Variants in DMD observed in about 807,000 individuals in gnomAD.
DMD encodes the protein dystrophin.
A neutral mutation model predicts 330.1 loss-of-function variants in DMD; 63 were observed. The observed-to-expected ratio is 0.19, with a 90% CI of 0.16 to 0.24. The LOEUF (loss-of-function observed/expected upper bound fraction) is 0.24, where lower values mean the gene tolerates loss of function less well. DMD is among the 10% of genes least tolerant of loss of function. The pLI is 1.00. For missense variants in DMD, 3,344 were observed against 2,684.1 expected (o/e 1.25, Z -5.43); for synonymous variants, 1,223 against 959.8 (o/e 1.27, Z -5.07).
At chrX:32,000,644 A>C (rs1241379429) in intron 44 of DMD, among the ~76,000 whole-genome samples, 1 of 111,839 alleles carries the variant, frequency 8.9e-6, no homozygotes, top group Non-Finnish European at 1.9e-5. Flanking sequence ...TGGTGATAGT[A>C]AAGCTTTAGC....
Position 32,015,911 on chromosome X carries a change from T to A in DMD, c.6439-47397A>T, listed in dbSNP as rs917679599. ...TTAGATGCTGATAGAACACTAAGTTTTTTTTGTGGAACTTGGCAAAACTAC... is the reference window on the plus strand; with the variant it reads ...TTAGATGCTGATAGAACACTAAGTTATTTTTGTGGAACTTGGCAAAACTAC... On this transcript the variant is annotated intron_variant, in intron 44 of 78. Coordinates refer to ENST00000357033, the MANE Select transcript of DMD (RefSeq NM_004006.3). Among the ~76,000 whole-genome samples the A allele has an allele frequency of 2.7e-5, 3 of 111,841 alleles. No homozygotes were observed. The East Asian group carries it at 8.5e-4, about 32-fold the overall frequency.
chrX:31,519,999 G>A (rs996910715), intron 55 of DMD, among the ~76,000 whole-genome samples: 1 of 111,751 alleles, frequency 8.9e-6, no homozygotes, highest in Non-Finnish European at 1.9e-5. Flanking sequence ...GTGATGGGGA[G>A]AAAACAAAGT....
intron 7 of DMD, among the ~76,000 whole-genome samples, chrX:32,728,560 T>A (rs754459089): frequency 8.9e-6 from 1 of 111,925 alleles, no homozygotes; most frequent in Non-Finnish European, 1.9e-5. Context: ...ATAAATGTCA[T>A]GTTAATATTC....
chrX:32,662,926 T>C (rs2061043401), intron 9 of DMD, among the ~76,000 whole-genome samples: 1 of 112,199 alleles, frequency 8.9e-6, no homozygotes, highest in Non-Finnish European at 1.9e-5. Context: ...GTCAAAAATA[T>C]TGACTGAATT....
chrX:32,347,613 T>G (rs190563670), intron 38 of DMD, among the ~76,000 whole-genome samples: 8 of 111,808 alleles, frequency 7.2e-5, no homozygotes, highest in African/African-American at 2.3e-4. Flanking sequence ...AATTTATATA[T>G]TGTCTTCTGA....
chrX:33,213,686 G>A (rs1387299357), upstream of DMD, among the ~76,000 whole-genome samples: 9 of 111,469 alleles, frequency 8.1e-5, no homozygotes, highest in Admixed American at 6.7e-4. Context: ...AGGAATTTGC[G>A]GGGATAGTAT....
chrX:31,933,044 G>A (rs1456090053), intron 45 of DMD, among the ~76,000 whole-genome samples: 1 of 111,547 alleles, frequency 9.0e-6, no homozygotes, highest in Non-Finnish European at 1.9e-5. Flanking sequence ...GGGGTTGGGG[G>A]TGGGGACAAA....
At chrX:33,163,809 A>T (rs1382772749) in intron 1 of DMD, among the ~76,000 whole-genome samples, 4 of 109,511 alleles carry the variant, frequency 3.7e-5, no homozygotes, top group Non-Finnish European at 7.6e-5. Flanking sequence ...ATGTAAGTCA[A>T]CCCACTCATG....
intron 62 of DMD, among the ~76,000 whole-genome samples, chrX:31,264,599 G>A (rs998074286): frequency 2.7e-5 from 3 of 111,992 alleles, no homozygotes; most frequent in Admixed American, 9.5e-5. Flanking sequence ...GTATTTATAC[G>A]AAGATTTCCC....
intron 57 of DMD, among the ~76,000 whole-genome samples, chrX:31,493,898 G>A (rs1296429845): frequency 5.4e-5 from 6 of 111,200 alleles, no homozygotes; most frequent in African/African-American, 1.6e-4. Context: ...GGTGGCTCAC[G>A]CCTGTAATCC....
intron 1 of DMD, among the ~76,000 whole-genome samples, chrX:33,169,173 T>A (rs189423865): frequency 9.0e-6 from 1 of 111,346 alleles, no homozygotes; most frequent in African/African-American, 3.2e-5. Flanking sequence ...ATCAAGCTTG[T>A]TAAAAGCTCT....
intron 1 of DMD, among the ~76,000 whole-genome samples, chrX:33,105,362 G>A (rs1233718483): frequency 9.0e-6 from 1 of 111,490 alleles, no homozygotes; most frequent in African/African-American, 3.3e-5. Context: ...CTGGACATTG[G>A]CCTAGGTAAA....
chrX:32,506,872 G>C (rs1467028309), intron 18 of DMD, among the ~76,000 whole-genome samples: 1 of 111,534 alleles, frequency 9.0e-6, no homozygotes, highest in Non-Finnish European at 1.9e-5. Flanking sequence ...TTTGTTGGTT[G>C]AACTGAAAAG....
At chrX:32,761,552 A>C (rs992287211) in intron 7 of DMD, among the ~76,000 whole-genome samples, 1 of 112,231 alleles carries the variant, frequency 8.9e-6, no homozygotes, top group African/African-American at 3.2e-5. Flanking sequence ...ATGTGGAATC[A>C]AAGTCAGATG....
intron 44 of DMD, among the ~76,000 whole-genome samples, chrX:32,116,445 C>T (rs2096611250): frequency 8.9e-6 from 1 of 112,304 alleles, no homozygotes; most frequent in East Asian, 2.8e-4. Flanking sequence ...AGACTAGGGA[C>T]ATACTTATGT....
intron 51 of DMD, among the ~76,000 whole-genome samples, chrX:31,761,119 T>C (rs942070711): frequency 9.1e-6 from 1 of 109,782 alleles, no homozygotes; most frequent in East Asian, 2.9e-4. Context: ...TCTTCTGACC[T>C]CGTGATCCGC....
chrX:31,392,058 G>A (rs1258134614), intron 60 of DMD, among the ~76,000 whole-genome samples: 1 of 112,078 alleles, frequency 8.9e-6, no homozygotes, highest in Admixed American at 9.5e-5. Flanking sequence ...AGCACTGATA[G>A]TCAATTTCTT....
intron 9 of DMD, among the ~76,000 whole-genome samples, chrX:32,692,431 T>A (rs1281910843): frequency 1.8e-5 from 2 of 111,493 alleles, no homozygotes; most frequent in Non-Finnish European, 3.8e-5. Context: ...TGGCTTCCCA[T>A]CCTCTGTTTG....
chrX:32,869,192 G>A (rs2082756503), intron 2 of DMD, among the ~76,000 whole-genome samples: 1 of 111,144 alleles, frequency 9.0e-6, no homozygotes, highest in African/African-American at 3.3e-5. Flanking sequence ...AAAGCAAACA[G>A]AAAGCAACAA....
Sources: allele counts gnomAD v4.1 joint callset (sites outside exome capture counted in the v4.1 genomes callset), GRCh38; gene constraint gnomAD v4.1.1; transcripts MANE v1.5; gene names NCBI Gene and HGNC (gene_info 2026-07-23, HGNC 2026-07-21).